The following NID1 variants were observed in gnomAD, a reference collection of about 807,000 sequenced individuals.
NID1 encodes the protein nidogen 1.
NID1 carries 76 observed loss-of-function variants against 130.6 expected under a neutral mutation model. That is an observed-to-expected ratio of 0.58 (90% CI 0.48 to 0.70). The LOEUF is 0.70. Among genes scored for constraint, NID1 ranks in the 30% least tolerant of loss-of-function variants. The probability of loss-of-function intolerance (pLI) is 0.00; values close to 1 mark genes in which losing one functional copy is unlikely to be tolerated. For missense variants in NID1, 1,517 were observed against 1,664.8 expected (o/e 0.91, Z 1.54); for synonymous variants, 665 against 675.1 (o/e 0.98, Z 0.23).
At chr1:236,027,793 C>T (rs1658982423) in intron 7 of NID1, among the ~76,000 whole-genome samples, 1 of 151,860 alleles carries the variant, frequency 6.6e-6, no homozygotes, top group Non-Finnish European at 1.5e-5. Context: ...CACACCACTG[C>T]ACCACAGCCT....
intron 14 of NID1, 28 bp downstream of exon 14, chr1:235,990,858 T>C (rs1354623513): frequency 6.2e-7 from 1 of 1,612,784 alleles, no homozygotes; most frequent in Admixed American, 1.7e-5. Flanking sequence ...GCAGGAGCTG[T>C]CACCAGGTAT....
At chr1:236,015,811 G>A (rs1036345289) in intron 10 of NID1, among the ~76,000 whole-genome samples, 7 of 152,022 alleles carry the variant, frequency 4.6e-5, no homozygotes, top group African/African-American at 1.2e-4. Flanking sequence ...TTACAGACGA[G>A]GAACTGAGCC....
At position 236,042,025 on chromosome 1, in the gene NID1, T is replaced by C; in HGVS notation, c.1020A>G (p.Glu340=). The C allele has an allele frequency of 1.9e-6, 3 of 1,614,104 alleles. No homozygotes were observed. Among genetic ancestry groups the C allele is most frequent in the Non-Finnish European group, 2.5e-6 (3 of 1,180,024 alleles). The part of the protein sequence containing the change: ...SVLSPRRAAT[E]RPLGPPTERT... ...TCTCTGTGGGAGGTCCAAGGGGCCT[T>C]TCGGTAGCTGCCCGGCGCGGGGAGA... The change falls in exon 4 of 20, where the codon GAA becomes GAG. Residue 340 remains glutamate, a synonymous_variant. Transcript: ENST00000264187.
At chr1:235,996,633 G>T (rs562248599) in intron 12 of NID1, among the ~76,000 whole-genome samples, 2 of 152,026 alleles carry the variant, frequency 1.3e-5, no homozygotes, top group African/African-American at 4.8e-5. Flanking sequence ...AGTAGAGGTG[G>T]TGTCTCACTA....
At chr1:236,020,053 A>AAAAAAC (rs1344689799) in intron 9 of NID1, among the ~76,000 whole-genome samples, 5 of 137,762 alleles carry the variant, frequency 3.6e-5, no homozygotes, top group Non-Finnish European at 3.1e-5. Flanking sequence ...AAAAAAAAAA[A>AAAAAAC]AAAAACAAAA....
At chr1:236,035,728 C>T (rs1253260440) in intron 5 of NID1, among the ~76,000 whole-genome samples, 1 of 152,198 alleles carries the variant, frequency 6.6e-6, no homozygotes, top group Admixed American at 6.5e-5. Context: ...CGTTGGGTTC[C>T]ATACGCCCAA....
intron 12 of NID1, among the ~76,000 whole-genome samples, chr1:236,002,356 A>AGCCAGGC (rs1658098829): frequency 1.3e-5 from 2 of 152,168 alleles, no homozygotes; most frequent in African/African-American, 4.8e-5. Flanking sequence ...CACAAAAATT[A>AGCCAGGC]GCCAGGCGCA....
chr1:236,051,158 C>T (rs1038846820), intron 1 of NID1, among the ~76,000 whole-genome samples: 1 of 152,152 alleles, frequency 6.6e-6, no homozygotes, highest in African/African-American at 2.4e-5. Context: ...TTATTTTGCT[C>T]TTTAAGGGCT....
chr1:235,984,327 T>C (rs1321868956), intron 15 of NID1, among the ~76,000 whole-genome samples: 2 of 152,162 alleles, frequency 1.3e-5, no homozygotes, highest in Admixed American at 1.3e-4. Flanking sequence ...GGGTTCAGGG[T>C]CTATGTCCAA....
intron 12 of NID1, among the ~76,000 whole-genome samples, chr1:235,994,645 TTTTG>T (rs1657868976): frequency 6.6e-6 from 1 of 152,244 alleles, no homozygotes; most frequent in African/African-American, 2.4e-5. Flanking sequence ...AAGAAAATTT[TTTTG>T]TTTGTTTTTT....
At chr1:235,996,229 C>G (rs1657916308) in intron 12 of NID1, among the ~76,000 whole-genome samples, 1 of 152,112 alleles carries the variant, frequency 6.6e-6, no homozygotes, top group African/African-American at 2.4e-5. Context: ...ACAGGAATAA[C>G]CCATAGCACC....
rs1172708075 is a variant in NID1 at position 236,021,106 on chromosome 1, A to G, written c.2128+2964T>C. Among the ~76,000 whole-genome samples the G allele has an allele frequency of 2.6e-5, 4 of 152,170 alleles. No individual in the cohort carries two copies. The South Asian group carries it at 8.3e-4, about 31-fold the overall frequency. On this transcript the variant is annotated intron_variant, in intron 9 of 19. Transcript: ENST00000264187. ...TACGAAGTTGAAGCAGAGCTGTGTA[A>G]TGAGGAGGCATGGATCGGTGAAGGA...
In NID1 at chr1:235,985,411, T is replaced by G; in HGVS notation, c.3023A>C (p.His1008Pro). The G allele has an allele frequency of 1.9e-6, 3 of 1,614,126 alleles. No individual in the cohort carries two copies. Among genetic ancestry groups the G allele is most frequent in the Non-Finnish European group, 2.5e-6 (3 of 1,179,984 alleles). Residue 1008 changes from histidine (H) to proline (P), a missense_variant, in exon 15 of 20, where the codon CAT (histidine) becomes CCT (proline). Physicochemically the swap from His to Pro is moderately conservative, Grantham distance 77 (BLOSUM62 -2). This residue lies in a region of NID1 where 1,329 missense variants were observed against 1,429.2 expected (regional missense o/e 0.93). Coordinates refer to ENST00000264187, the MANE Select transcript of NID1 (RefSeq NM_002508.3). ...TEPSIGRASL[H>P]GGEPTTIIRQ... ...AATGATGGTGGTTGGCTCTCCACCA[T>G]GTAGACTAGCTCTCCCAATGGAAGG...
At chr1:236,013,386 G>A (rs1181901441) in intron 11 of NID1, 25 bp downstream of exon 11, 3 of 1,612,874 alleles carry the variant, frequency 1.9e-6, no homozygotes, top group East Asian at 4.5e-5. Flanking sequence ...GTTACACACA[G>A]GGGAAGATCA....
Position 235,979,987 on chromosome 1 carries a change from A to G in NID1, c.3386-42T>C, listed in dbSNP as rs1282013007. 1 of 1,603,552 alleles carries G rather than the reference A, an allele frequency of 6.2e-7. No homozygotes were observed. The highest frequency in any genetic ancestry group is 8.5e-7 in the Non-Finnish European group (1 of 1,175,424). On this transcript the variant is annotated intron_variant, in intron 17 of 19. Coordinates refer to ENST00000264187, the MANE Select transcript of NID1 (RefSeq NM_002508.3). The surrounding 1 kb of genome is among the most constrained non-coding windows in gnomAD (Gnocchi z 4.6). ...CAATTCATTCATTGTTCACACAAGA[A>G]ATGGCCCCTTTGTGCAAAAAAAACA... is the stretch of plus-strand genomic sequence containing the variant.
Position 236,064,717 on chromosome 1 carries a change from C to T in NID1, c.225+138G>A, listed in dbSNP as rs764131015. 2.5e-5 allele frequency: 18 copies of T among 711,934 alleles called. No individual in the cohort carries two copies. In the South Asian group the frequency reaches 3.0e-4, roughly 12 times the overall value. 44.1% of individuals were successfully genotyped at this position (711,934 alleles called of 1,614,324 possible). A position where few individuals can be genotyped will look rare whatever the true frequency, so the allele number is the denominator to read the frequency against. ...TCGCGGACCCTGCAGAGGCGGGAGACCCTGCGCCGTGCCCGGTGCCCCGGC... is the reference window on the plus strand; with the variant it reads ...TCGCGGACCCTGCAGAGGCGGGAGATCCTGCGCCGTGCCCGGTGCCCCGGC... On this transcript the variant is annotated intron_variant, in intron 1 of 19. Coordinates refer to ENST00000264187, the MANE Select transcript of NID1 (RefSeq NM_002508.3).
At chr1:235,999,404 G>A (rs1347577858) in intron 12 of NID1, among the ~76,000 whole-genome samples, 2 of 152,150 alleles carry the variant, frequency 1.3e-5, no homozygotes, top group Non-Finnish European at 2.9e-5. Context: ...AATCTCAAGT[G>A]AGTTTATAAA....
Position 236,048,778 on chromosome 1 carries a change from G to A in NID1, c.437C>T (p.Ser146Phe), listed in dbSNP as rs773492605. The change falls in exon 2 of 20, where the codon TCT (serine) becomes TTT (phenylalanine). Residue 146 changes from serine to phenylalanine, a missense_variant. Ser to Phe is a radical substitution (Grantham distance 155). Around this residue, in one of 3 missense-constraint regions of NID1, gnomAD observed 1,329 missense variants for 1,429.2 expected, o/e 0.93. Transcript: ENST00000264187. ...AACCACCGCGCTACTAGGCTGGAAA[G>A]AGATCTCCGGGAACCCTCTGTGGAC... ...ECVHRGFPEI[S>F]FQPSSAVVVT... is the part of the protein sequence containing the mutation. The A allele has an allele frequency of 6.2e-7, 1 of 1,613,990 alleles. No homozygotes were observed. The highest frequency in any genetic ancestry group is 8.5e-7 in the Non-Finnish European group (1 of 1,180,018).
At chr1:235,999,423 A>G (rs2102806218) in intron 12 of NID1, among the ~76,000 whole-genome samples, 1 of 152,190 alleles carries the variant, frequency 6.6e-6, no homozygotes, top group East Asian at 1.9e-4. Context: ...AAAAGCTGTG[A>G]TCTCGGTGGA....
Sources: allele counts gnomAD v4.1 joint callset (sites outside exome capture counted in the v4.1 genomes callset), GRCh38; gene constraint gnomAD v4.1.1; regional missense constraint gnomAD v4.1.1; non-coding constraint Gnocchi (gnomAD v3.1); transcripts MANE v1.5; gene names NCBI Gene and HGNC (gene_info 2026-07-23, HGNC 2026-07-21).